Variants in RPS6KA2 observed in about 807,000 individuals in gnomAD.
The protein encoded by RPS6KA2 is ribosomal protein S6 kinase alpha-2.
A neutral mutation model predicts 91.8 loss-of-function variants in RPS6KA2; 42 were observed. The observed-to-expected ratio is 0.46, with a 90% confidence interval of 0.36 to 0.59. The LOEUF is 0.59. Among genes scored for constraint, RPS6KA2 ranks in the 20% least tolerant of loss-of-function variants. The pLI, the probability that RPS6KA2 is intolerant of heterozygous loss-of-function variation, is 0.00. For missense variants in RPS6KA2, 798 were observed against 978.5 expected (o/e 0.82, Z 2.46); for synonymous variants, 414 against 393.6 (o/e 1.05, Z -0.61).
intron 2 of RPS6KA2, among the ~76,000 whole-genome samples, chr6:166,765,112 A>G (rs1318223437): frequency 7.5e-6 from 1 of 133,190 alleles, no homozygotes; most frequent in African/African-American, 3.3e-5. Context: ...CTGAACAAGG[A>G]AAGGACCCAG....
intron 14 of RPS6KA2, among the ~76,000 whole-genome samples, chr6:166,446,789 T>C (rs1779694106): frequency 6.6e-6 from 1 of 152,198 alleles, no homozygotes; most frequent in East Asian, 1.9e-4. Flanking sequence ...ACCGTAGGCT[T>C]GTTTCTTTGA....
At chr6:166,798,495 C>T (rs993511545) in intron 2 of RPS6KA2, among the ~76,000 whole-genome samples, 1 of 152,226 alleles carries the variant, frequency 6.6e-6, no homozygotes, top group East Asian at 1.9e-4. Context: ...CCCCAAACAG[C>T]GTCTCTGCAG....
chr6:166,776,714 C>T (rs1450867908), intron 2 of RPS6KA2, among the ~76,000 whole-genome samples: 2 of 152,192 alleles, frequency 1.3e-5, no homozygotes, highest in East Asian at 3.9e-4. Flanking sequence ...GCTCGAGGTT[C>T]GTCCATGTTG....
chr6:166,467,242 A>C (rs945308668), intron 11 of RPS6KA2, among the ~76,000 whole-genome samples: 6 of 137,512 alleles, frequency 4.4e-5, no homozygotes, highest in Non-Finnish European at 6.6e-5. Flanking sequence ...TCCTTCCCTC[A>C]CTCATCCATT....
intron 2 of RPS6KA2, among the ~76,000 whole-genome samples, chr6:166,691,113 C>T (rs1172378022): frequency 2.0e-5 from 3 of 152,202 alleles, no homozygotes; most frequent in Admixed American, 1.3e-4. Context: ...CAACTCATGC[C>T]GGGAGACCTG....
At chr6:166,658,733 T>G (rs570167502) in intron 2 of RPS6KA2, among the ~76,000 whole-genome samples, 1 of 152,072 alleles carries the variant, frequency 6.6e-6, no homozygotes, top group Admixed American at 6.5e-5. Context: ...GGTGTTGAAG[T>G]TGGCAATTCT....
intron 2 of RPS6KA2, among the ~76,000 whole-genome samples, chr6:166,713,485 T>C (rs1004972593): frequency 3.9e-5 from 6 of 152,228 alleles, no homozygotes; most frequent in African/African-American, 1.4e-4. Context: ...CAGCTACTGA[T>C]TTTTTCTCTG....
chr6:166,757,917 A>G, intron 2 of RPS6KA2: 1 of 212,008 alleles, frequency 4.7e-6, no homozygotes, highest in Non-Finnish European at 9.6e-6. Flanking sequence ...GAAGTTACTC[A>G]TGCTGCTCCG....
Position 166,437,800 on chromosome 6 carries a change from T to C in RPS6KA2, c.1333-5310A>G, listed in dbSNP as rs902317313. On this transcript the variant is annotated intron_variant, in intron 14 of 20. Coordinates refer to ENST00000265678, the MANE Select transcript of RPS6KA2 (RefSeq NM_021135.6). The surrounding 1 kb of genome is among the most constrained non-coding windows in gnomAD (Gnocchi z 4.3). ...CGAAGGCGACAACAGGAGACTTCGCTGCTCTTGATAACACCTTTCCTCCTG... is the reference window on the plus strand; with the variant it reads ...CGAAGGCGACAACAGGAGACTTCGCCGCTCTTGATAACACCTTTCCTCCTG... Among the ~76,000 whole-genome samples, 1 of 152,052 alleles carries C rather than the reference T, an allele frequency of 6.6e-6. No individual in the cohort carries two copies. The highest frequency in any genetic ancestry group is 2.4e-5 in the African/African-American group (1 of 41,402).
chr6:166,721,487 G>A (rs1262271502), intron 2 of RPS6KA2, among the ~76,000 whole-genome samples: 1 of 152,222 alleles, frequency 6.6e-6, no homozygotes, highest in East Asian at 1.9e-4. Flanking sequence ...CCTAGTAAAA[G>A]AATTTTAAAA....
At chr6:166,645,605 G>A (rs1205610965) in intron 2 of RPS6KA2, among the ~76,000 whole-genome samples, 2 of 152,174 alleles carry the variant, frequency 1.3e-5, no homozygotes, top group Admixed American at 1.3e-4. Flanking sequence ...TCCTGGAGCA[G>A]CCCTGCCATG....
intron 2 of RPS6KA2, among the ~76,000 whole-genome samples, chr6:166,651,914 GCCC>G (rs781053401): frequency 3.3e-5 from 5 of 152,242 alleles, no homozygotes; most frequent in East Asian, 1.9e-4. Flanking sequence ...ACTGCACTGT[GCCC>G]CCCAACGGCT....
intron 2 of RPS6KA2, among the ~76,000 whole-genome samples, chr6:166,536,863 G>A (rs1266468992): frequency 6.6e-6 from 1 of 152,234 alleles, no homozygotes; most frequent in Admixed American, 6.5e-5. Context: ...AGTGGTGAAA[G>A]GCTGGGAAGG....
upstream of RPS6KA2, among the ~76,000 whole-genome samples, chr6:166,630,364 A>C (rs867408371): frequency 5.3e-4 from 81 of 152,402 alleles, no homozygotes; most frequent in African/African-American, 1.8e-3. Context: ...CAGGCTGCTG[A>C]AAGTTTCAAG....
At chr6:166,521,924 A>C (rs1782870972) in intron 3 of RPS6KA2, among the ~76,000 whole-genome samples, 1 of 152,142 alleles carries the variant, frequency 6.6e-6, no homozygotes, top group Non-Finnish European at 1.5e-5. Flanking sequence ...AGAAGGGTGG[A>C]GCCCTCATGC....
chr6:166,816,033 C>A (rs957317813), intron 2 of RPS6KA2, among the ~76,000 whole-genome samples: 1 of 152,124 alleles, frequency 6.6e-6, no homozygotes, highest in Non-Finnish European at 1.5e-5. Context: ...AAAAAATACA[C>A]CCTAGTTTTT....
intron 2 of RPS6KA2, among the ~76,000 whole-genome samples, chr6:166,706,825 G>A (rs1369409464): frequency 1.3e-5 from 2 of 152,158 alleles, no homozygotes; most frequent in South Asian, 2.1e-4. Context: ...GGGTGGGATC[G>A]GGAGGAAAAG....
chr6:166,479,740 C>A (rs1199690224), intron 10 of RPS6KA2, among the ~76,000 whole-genome samples: 1 of 152,212 alleles, frequency 6.6e-6, no homozygotes, highest in Admixed American at 6.5e-5. Context: ...AGGAAAAGCT[C>A]CCCTTCTGCC....
chr6:166,742,894 T>C (rs1196700098), intron 2 of RPS6KA2, among the ~76,000 whole-genome samples: 2 of 152,228 alleles, frequency 1.3e-5, no homozygotes, highest in Non-Finnish European at 2.9e-5. Context: ...GTTCCCATTA[T>C]GGAGGCACAA....
Sources: allele counts gnomAD v4.1 joint callset (sites outside exome capture counted in the v4.1 genomes callset), GRCh38; gene constraint gnomAD v4.1.1; non-coding constraint Gnocchi (gnomAD v3.1); transcripts MANE v1.5; gene names NCBI Gene and HGNC (gene_info 2026-07-23, HGNC 2026-07-21).